The following GPC3 variants were observed in gnomAD, a reference collection of about 807,000 sequenced individuals.
GPC3 encodes glypican 3, also known as glypican-3.
In GPC3, 3 loss-of-function variants were observed where a neutral mutation model predicts 34.4. The observed-to-expected ratio is 0.09, with a 90% CI of 0.04 to 0.23. The LOEUF (loss-of-function observed/expected upper bound fraction) is 0.23. Ranked by LOEUF, GPC3 falls within the 10% of genes least tolerant of loss-of-function variation. The pLI, the probability that GPC3 is intolerant of heterozygous loss-of-function variation, is 1.00. For synonymous variants in GPC3, 177 were observed against 174.0 expected (o/e 1.02, Z -0.13); for missense variants, 351 against 445.6 (o/e 0.79, Z 1.91).
chrX:133,906,677 G>C (rs1352135044), intron 2 of GPC3, among the ~76,000 whole-genome samples: 1 of 112,248 alleles, frequency 8.9e-6, no homozygotes, highest in African/African-American at 3.2e-5. Flanking sequence ...ACCTCTAGGA[G>C]CTAGCCATTC....
chrX:133,861,953 G>C (rs957276957), intron 2 of GPC3, among the ~76,000 whole-genome samples: 4 of 111,949 alleles, frequency 3.6e-5, no homozygotes, highest in African/African-American at 1.3e-4. Flanking sequence ...TTATAGCAAT[G>C]CAAGAACAGC....
intron 3 of GPC3, among the ~76,000 whole-genome samples, chrX:133,738,242 G>A (rs1433426666): frequency 8.9e-6 from 1 of 112,210 alleles, no homozygotes; most frequent in African/African-American, 3.2e-5. Flanking sequence ...GGGATTACAG[G>A]CGTGAGCCAT....
chrX:133,928,874 A>G (rs1450194594), intron 2 of GPC3, among the ~76,000 whole-genome samples: 3 of 111,808 alleles, frequency 2.7e-5, no homozygotes, highest in Non-Finnish European at 5.6e-5. Context: ...ATTTGCAACC[A>G]TTTTCCCAAT....
At chrX:133,763,160 T>C (rs2071812686) in intron 2 of GPC3, 1 of 722,219 alleles carries the variant, frequency 1.4e-6, no homozygotes, top group East Asian at 3.2e-5. Flanking sequence ...CCGCAGCTTC[T>C]TGTGGTTACT....
intron 5 of GPC3, among the ~76,000 whole-genome samples, chrX:133,685,507 G>A (rs2070990706): frequency 9.0e-6 from 1 of 111,301 alleles, no homozygotes; most frequent in Admixed American, 9.6e-5. Flanking sequence ...AGAGGCATTA[G>A]AAACATTGGA....
chrX:133,724,225 T>C (rs946456853), intron 3 of GPC3, among the ~76,000 whole-genome samples: 1 of 112,126 alleles, frequency 8.9e-6, no homozygotes, highest in East Asian at 2.8e-4. Context: ...ATGCGTTTGC[T>C]CGCAGTCTTT....
intron 2 of GPC3, among the ~76,000 whole-genome samples, chrX:133,872,760 T>G (rs951473312): frequency 5.3e-5 from 6 of 112,164 alleles, no homozygotes; most frequent in African/African-American, 1.9e-4. Flanking sequence ...CTGAAGAAGC[T>G]CCTGATGCCA....
chrX:133,837,565 C>T (rs2075805408), intron 2 of GPC3, among the ~76,000 whole-genome samples: 1 of 111,490 alleles, frequency 9.0e-6, no homozygotes, highest in Non-Finnish European at 1.9e-5. Flanking sequence ...GCCTCAGGGT[C>T]GCACAACCTC....
At chrX:133,822,498 A>G (rs951867851) in intron 2 of GPC3, among the ~76,000 whole-genome samples, 3 of 111,907 alleles carry the variant, frequency 2.7e-5, no homozygotes, top group Non-Finnish European at 5.6e-5. Flanking sequence ...ACAGTATATC[A>G]TTGTATTCTA....
At chrX:133,771,498 G>C (rs1428381295) in intron 2 of GPC3, among the ~76,000 whole-genome samples, 1 of 112,142 alleles carries the variant, frequency 8.9e-6, no homozygotes, top group African/African-American at 3.2e-5. Context: ...TGTCTCCTCA[G>C]CTGACCTCAC....
intron 6 of GPC3, among the ~76,000 whole-genome samples, chrX:133,615,210 C>T (rs2070148571): frequency 9.0e-6 from 1 of 111,275 alleles, no homozygotes; most frequent in Admixed American, 9.6e-5. Flanking sequence ...CAGTGCTACC[C>T]TAACACTAAA....
intron 6 of GPC3, among the ~76,000 whole-genome samples, chrX:133,633,987 C>T (rs2070392361): frequency 8.9e-6 from 1 of 111,839 alleles, no homozygotes; most frequent in Non-Finnish European, 1.9e-5. Flanking sequence ...TTTTTTCTCT[C>T]CATTGAAACT....
intron 5 of GPC3, among the ~76,000 whole-genome samples, chrX:133,680,904 C>G (rs146345367): frequency 9.0e-6 from 1 of 111,608 alleles, no homozygotes; most frequent in Non-Finnish European, 1.9e-5. Flanking sequence ...TCACTTGATC[C>G]CCAGTGGACT....
intron 1 of GPC3, among the ~76,000 whole-genome samples, chrX:133,963,699 T>G (rs2076451108): frequency 8.9e-6 from 1 of 111,904 alleles, no homozygotes; most frequent in African/African-American, 3.2e-5. Context: ...CAATCTAGGT[T>G]TTGTAGTCAT....
chrX:133,711,690 T>C (rs768266889), intron 3 of GPC3, among the ~76,000 whole-genome samples: 1 of 112,162 alleles, frequency 8.9e-6, no homozygotes, highest in Non-Finnish European at 1.9e-5. Context: ...ACTCTTATTC[T>C]CTCACAAGTA....
chrX:133,626,786 A>G (rs778045957), intron 6 of GPC3, among the ~76,000 whole-genome samples: 2 of 107,224 alleles, frequency 1.9e-5, no homozygotes, highest in Admixed American at 1.0e-4. Context: ...AAGTAGAATT[A>G]TCATTTGACC....
chrX:133,597,798 GT>G (rs1404859059), intron 6 of GPC3, among the ~76,000 whole-genome samples: 1 of 110,346 alleles, frequency 9.1e-6, no homozygotes, highest in Non-Finnish European at 1.9e-5. Context: ...TTTTGTTTTT[GT>G]TTTTTTTCCT....
intron 2 of GPC3, among the ~76,000 whole-genome samples, chrX:133,918,326 C>T (rs759519000): frequency 1.8e-5 from 2 of 112,013 alleles, no homozygotes; most frequent in Non-Finnish European, 3.8e-5. Context: ...AAAAGTCATA[C>T]GTGACTAAGT....
Position 133,753,638 on chromosome X carries a change from A to C in GPC3, c.876T>G (p.Ile292Met), listed in dbSNP as rs61754633. 1.7e-6 allele frequency: 2 copies of C among 1,211,591 alleles called. No individual in the cohort carries two copies. Among genetic ancestry groups the C allele is most frequent in the East Asian group, 5.9e-5 (2 of 33,856 alleles). ...GAATGTATTCTCTCCAGTACTTGTC[A>C]ATCTCCACCACACCTGCCATACAGC... The part of the protein sequence containing the change: ...MQGCMAGVVE[I>M]DKYWREYILS... The change falls in exon 3 of 8, where the codon ATT becomes ATG. Residue 292 changes from isoleucine to methionine, a missense_variant. Ile to Met is a conservative substitution (Grantham distance 10, BLOSUM62 1). Coordinates refer to ENST00000370818, the MANE Select transcript of GPC3 (RefSeq NM_004484.4).
Sources: gnomAD v4.1 joint callset for allele counts (sites outside exome capture counted in the v4.1 genomes callset) on GRCh38, gnomAD v4.1.1 for gene constraint, MANE v1.5 for transcripts, NCBI Gene and HGNC (gene_info 2026-07-23, HGNC 2026-07-21) for gene names.